PTPRD: variants seen among roughly 807,000 people sequenced by gnomAD.
PTPRD encodes the protein receptor-type tyrosine-protein phosphatase delta.
In PTPRD, 34 loss-of-function variants were observed where a neutral mutation model predicts 214.5. The observed-to-expected ratio is 0.16, with a 90% CI of 0.12 to 0.21. The LOEUF (loss-of-function observed/expected upper bound fraction) is 0.21. Ranked by LOEUF, PTPRD falls within the 10% of genes least tolerant of loss-of-function variation. The pLI, the probability that PTPRD is intolerant of heterozygous loss-of-function variation, is 1.00. For synonymous variants in PTPRD, 1,128 were observed against 845.7 expected (o/e 1.33, Z -5.79); for missense variants, 2,545 against 2,398.7 (o/e 1.06, Z -1.27).
At chr9:9,165,529 A>G (rs1433188948) in intron 10 of PTPRD, among the ~76,000 whole-genome samples, 2 of 152,230 alleles carry the variant, frequency 1.3e-5, no homozygotes, top group African/African-American at 4.8e-5. Flanking sequence ...TAGAAACTAT[A>G]TTATAGTAAG....
intron 5 of PTPRD, among the ~76,000 whole-genome samples, chr9:9,890,485 C>T (rs925207507): frequency 1.3e-5 from 2 of 152,072 alleles, no homozygotes; most frequent in African/African-American, 4.8e-5. Flanking sequence ...AGGTATGAGC[C>T]ACATGACCAG....
At chr9:10,612,008 G>A (rs998449429) in intron 2 of PTPRD, among the ~76,000 whole-genome samples, 1 of 151,236 alleles carries the variant, frequency 6.6e-6, no homozygotes, top group Non-Finnish European at 1.5e-5. Context: ...TTAGGGCTGA[G>A]GTTGAAGGTG....
At chr9:8,596,308 T>C (rs2094473795) in intron 14 of PTPRD, among the ~76,000 whole-genome samples, 1 of 152,066 alleles carries the variant, frequency 6.6e-6, no homozygotes, top group South Asian at 2.1e-4. Context: ...AATATACGCA[T>C]TTATAATACA....
chr9:8,709,433 T>G (rs946176802), intron 12 of PTPRD, among the ~76,000 whole-genome samples: 8 of 145,610 alleles, frequency 5.5e-5, no homozygotes, highest in African/African-American at 2.1e-4. Flanking sequence ...GAGAATGGCA[T>G]GAACCCAGGA....
intron 21 of PTPRD, among the ~76,000 whole-genome samples, chr9:8,514,892 G>C (rs953446818): frequency 2.0e-5 from 3 of 152,110 alleles, no homozygotes; most frequent in African/African-American, 4.8e-5. Context: ...TGTCGTGATA[G>C]TGAGTGAATT....
At chr9:10,333,787 A>G (rs1269963653) in intron 3 of PTPRD, among the ~76,000 whole-genome samples, 1 of 151,840 alleles carries the variant, frequency 6.6e-6, no homozygotes, top group Non-Finnish European at 1.5e-5. Context: ...TGTACATTTT[A>G]GGTTTTGTCT....
chr9:9,998,125 A>ATATATATATATATATATATATAT lies in PTPRD; in HGVS notation c.-472+35592_-472+35593insATATATATATATATATATATATA, dbSNP rs1286206158. On this transcript the variant is annotated intron_variant, in intron 4 of 45. Transcript: ENST00000381196. ...GAACTTAAAGTATAATAAAAAAAAA[A>ATATATATATATATATATATATAT]AAAAATATATATATATATATAAAAG... Among the ~76,000 whole-genome samples, 52 of 48,464 alleles carry ATATATATATATATATATATATAT rather than the reference A, an allele frequency of 1.1e-3. 1 individual carries two copies. The highest frequency in any genetic ancestry group is 4.8e-3 in the African/African-American group (50 of 10,526). 31.8% of individuals were successfully genotyped at this position (48,464 alleles called of 152,430 possible).
chr9:8,904,007 T>C (rs915283085), intron 11 of PTPRD, among the ~76,000 whole-genome samples: 2 of 152,112 alleles, frequency 1.3e-5, no homozygotes, highest in African/African-American at 4.8e-5. Context: ...ATGATTCGAT[T>C]ATTTATTTTT....
At chr9:10,316,702 A>T (rs906188401) in intron 3 of PTPRD, among the ~76,000 whole-genome samples, 2 of 151,918 alleles carry the variant, frequency 1.3e-5, no homozygotes, top group African/African-American at 4.8e-5. Flanking sequence ...ACATTTTTCC[A>T]CATATAGTAC....
At chr9:8,619,044 G>T (rs1382460600) in intron 14 of PTPRD, among the ~76,000 whole-genome samples, 2 of 150,130 alleles carry the variant, frequency 1.3e-5, no homozygotes, top group African/African-American at 2.4e-5. Flanking sequence ...ACAGGATTGA[G>T]CCACTGCACC....
At chr9:8,702,794 A>C (rs2098119245) in intron 12 of PTPRD, among the ~76,000 whole-genome samples, 3 of 152,152 alleles carry the variant, frequency 2.0e-5, no homozygotes, top group Non-Finnish European at 4.4e-5. Flanking sequence ...TTTTTAGTAA[A>C]GACGGGGTTT....
At chr9:9,445,175 G>A (rs1472834367) in intron 8 of PTPRD, among the ~76,000 whole-genome samples, 7 of 152,154 alleles carry the variant, frequency 4.6e-5, no homozygotes, top group Non-Finnish European at 2.9e-5. Flanking sequence ...GATAATAAAT[G>A]GGTAGGTCAA....
At chr9:9,251,614 A>T (rs1276141963) in intron 9 of PTPRD, among the ~76,000 whole-genome samples, 1 of 152,104 alleles carries the variant, frequency 6.6e-6, no homozygotes, top group Non-Finnish European at 1.5e-5. Flanking sequence ...ACTTTGTCAT[A>T]CTATATTGCT....
chr9:9,749,678 G>C (rs890551429), intron 6 of PTPRD, among the ~76,000 whole-genome samples: 2 of 152,026 alleles, frequency 1.3e-5, no homozygotes, highest in African/African-American at 4.8e-5. Context: ...TTTTTTGTGT[G>C]TTCCAATATT....
chr9:9,954,297 CAAAAAAAAAAAAAAAAA>C (rs781628679), intron 4 of PTPRD, among the ~76,000 whole-genome samples: 1 of 53,752 alleles, frequency 1.9e-5, no homozygotes, highest in Non-Finnish European at 4.5e-5. Flanking sequence ...TGTCTCAAAA[CAAAAAAAAAAAAAAAAA>C]AAAAAAAAAA....
intron 3 of PTPRD, among the ~76,000 whole-genome samples, chr9:10,046,505 T>C (rs2097399401): frequency 6.6e-6 from 1 of 151,888 alleles, no homozygotes; most frequent in African/African-American, 2.4e-5. Flanking sequence ...ACATTGATTT[T>C]TCTAGGCACA....
At chr9:9,767,803 TCTCAAA>T (rs1207211044) in intron 5 of PTPRD, among the ~76,000 whole-genome samples, 1 of 152,124 alleles carries the variant, frequency 6.6e-6, no homozygotes, top group African/African-American at 2.4e-5. Context: ...TATTTAATAT[TCTCAAA>T]CTCAAAGAAT....
intron 12 of PTPRD, among the ~76,000 whole-genome samples, chr9:8,637,571 C>A (rs1240570479): frequency 2.0e-5 from 3 of 152,198 alleles, no homozygotes; most frequent in Non-Finnish European, 2.9e-5. Flanking sequence ...CATCCTCCAT[C>A]TCCTTTAAAT....
At chr9:9,436,886 AG>A (rs2085478076) in intron 8 of PTPRD, among the ~76,000 whole-genome samples, 1 of 120,408 alleles carries the variant, frequency 8.3e-6, no homozygotes. Flanking sequence ...AAAGTTACTA[AG>A]GCAAAAAAAA....
Sources: gnomAD v4.1 joint callset for allele counts (sites outside exome capture counted in the v4.1 genomes callset) on GRCh38, gnomAD v4.1.1 for gene constraint, MANE v1.5 for transcripts, NCBI Gene and HGNC (gene_info 2026-07-23, HGNC 2026-07-21) for gene names.